DNA2: variants seen among roughly 807,000 people sequenced by gnomAD.
DNA2 encodes the protein DNA replication ATP-dependent helicase/nuclease DNA2.
Under a neutral mutation model 119.1 loss-of-function variants are expected in DNA2, and 101 were observed. The ratio of observed to expected loss-of-function variants is 0.85; its 90% CI spans 0.72 to 1.00. The LOEUF is 1.00. DNA2 is among the 50% of genes least tolerant of loss of function. The pLI is 0.00. For synonymous variants in DNA2, 366 were observed against 424.4 expected (o/e 0.86, Z 1.69); for missense variants, 1,121 against 1,255.5 (o/e 0.89, Z 1.62).
At chr10:68,423,241 T>C (rs1259531631) in intron 14 of DNA2, among the ~76,000 whole-genome samples, 1 of 150,856 alleles carries the variant, frequency 6.6e-6, no homozygotes, top group African/African-American at 2.5e-5. Flanking sequence ...GTACTTTTCC[T>C]TATTCTTTCC....
chr10:68,460,908 TAA>T (rs34510623), intron 4 of DNA2, among the ~76,000 whole-genome samples: 1 of 143,462 alleles, frequency 7.0e-6, no homozygotes. Flanking sequence ...AGACCCTGTT[TAA>T]AAAAAAAAAA....
intron 5 of DNA2, among the ~76,000 whole-genome samples, chr10:68,452,931 C>T (rs192420803): frequency 4.1e-5 from 6 of 147,872 alleles, no homozygotes; most frequent in Admixed American, 2.1e-4. Flanking sequence ...GATGGAATCT[C>T]GCTCTGTCGC....
At chr10:68,463,088 C>T (rs994736413) in intron 4 of DNA2, among the ~76,000 whole-genome samples, 50 of 150,762 alleles carry the variant, frequency 3.3e-4, no homozygotes, top group African/African-American at 1.1e-3. Context: ...GCCGAGATCA[C>T]GGTGCTGTAC....
At position 68,452,496 on chromosome 10, in the gene DNA2, A is replaced by G. The variant is rs535796216; in HGVS notation, c.720-2249T>C. On this transcript the variant is annotated intron_variant, in intron 5 of 20. Coordinates refer to ENST00000358410, the MANE Select transcript of DNA2 (RefSeq NM_001080449.3). ...ATGAAATGTCACATGTATACCTAAT[A>G]GAATACAGGTTAAAAAAACTTTTAA... Among the ~76,000 whole-genome samples the G allele has an allele frequency of 1.2e-4, 19 of 152,318 alleles. 1 individual carries two copies. The East Asian group carries it at 3.5e-3, about 28-fold the overall frequency.
chr10:68,419,629 CATT>C (rs1359160583), intron 18 of DNA2, among the ~76,000 whole-genome samples, 171 bp downstream of exon 18: 4 of 152,152 alleles, frequency 2.6e-5, no homozygotes, highest in African/African-American at 9.7e-5. Flanking sequence ...CTCCAAATGT[CATT>C]ATAAAATATT....
In DNA2 at chr10:68,432,400, A is replaced by C. The variant is rs1434889698; in HGVS notation, c.1757T>G (p.Phe586Cys). The C allele has an allele frequency of 1.3e-6, 2 of 1,592,248 alleles. No individual in the cohort carries two copies. The highest frequency in any genetic ancestry group is 1.7e-5 in the Admixed American group (1 of 57,352). The change falls in exon 11 of 21, where the codon TTT (phenylalanine) becomes TGT (cysteine). Residue 586 changes from phenylalanine to cysteine, a missense_variant. Coordinates refer to ENST00000358410, the MANE Select transcript of DNA2 (RefSeq NM_001080449.3). Reference sequence around the variant, plus strand: ...TTTGCTCATTGTTACAAACCTGACAAACGTGTTTTCCATCAATTTGGAAAG... The same window carrying C: ...TTTGCTCATTGTTACAAACCTGACACACGTGTTTTCCATCAATTTGGAAAG... ...GNLSKLMENT[F>C]VSKKLRDLII...
chr10:68,468,271 T>G lies in DNA2; in HGVS notation c.293A>C (p.His98Pro). ...GTCAGATGTGCAGTCTCCCTCCAAATGAATGATATCTCCTGGCTCTACTGG... is the reference window on the plus strand; with the variant it reads ...GTCAGATGTGCAGTCTCCCTCCAAAGGAATGATATCTCCTGGCTCTACTGG... ...SVPVEPGDII[H>P]LEGDCTSDTW... The change falls in exon 3 of 21, where the codon CAT (histidine) becomes CCT (proline). Residue 98 changes from histidine to proline, a missense_variant. His to Pro is a moderately conservative substitution (Grantham distance 77). Coordinates refer to ENST00000358410, the MANE Select transcript of DNA2 (RefSeq NM_001080449.3). The G allele has an allele frequency of 6.2e-7, 1 of 1,608,680 alleles. No individual in the cohort carries two copies. Among genetic ancestry groups the G allele is most frequent in the Non-Finnish European group, 8.5e-7 (1 of 1,177,830 alleles).
intron 14 of DNA2, among the ~76,000 whole-genome samples, chr10:68,424,388 C>T (rs2051706981): frequency 6.6e-6 from 1 of 151,866 alleles, no homozygotes; most frequent in Non-Finnish European, 1.5e-5. Context: ...CCTATAGTCC[C>T]ACCTACTTGG....
chr10:68,423,346 C>T (rs2051692204), intron 14 of DNA2, among the ~76,000 whole-genome samples: 1 of 151,728 alleles, frequency 6.6e-6, no homozygotes, highest in Non-Finnish European at 1.5e-5. Flanking sequence ...AGCTAGGGAG[C>T]TCAGGACCAA....
At chr10:68,416,934 C>T in intron 19 of DNA2, 79 bp from the exon 20 acceptor site, 1 of 1,263,738 alleles carries the variant, frequency 7.9e-7, no homozygotes, top group South Asian at 1.5e-5. Flanking sequence ...ACACAATGGA[C>T]ACCTGTGCAA....
chr10:68,456,927 G>T (rs1171109075), intron 5 of DNA2, among the ~76,000 whole-genome samples: 1 of 151,718 alleles, frequency 6.6e-6, no homozygotes, highest in East Asian at 2.0e-4. Context: ...AAGGTCAGGA[G>T]ATCGAGACCA....
chr10:68,444,978 T>A lies in DNA2; in HGVS notation c.1163A>T (p.Glu388Val), dbSNP rs764697361. 6.2e-7 allele frequency: 1 copy of A among 1,613,630 alleles called. No individual in the cohort carries two copies. The highest frequency in any genetic ancestry group is 1.1e-5 in the South Asian group (1 of 91,058). Residue 388 changes from glutamate (E) to valine (V), a missense_variant, in exon 8 of 21, where the codon GAG (glutamate) becomes GTG (valine). Glu to Val is a moderately radical substitution (Grantham distance 121). Transcript: ENST00000358410. ...TQLASLPQII[E>V]EEKTCKYCSQ... is the part of the protein sequence containing the mutation. ...ACAATATTTACAAGTTTTCTCTTCC[T>A]CAATTATTTGTGGCAAAGAAGCAAG...
Position 68,422,907 on chromosome 10 carries a change from CAG to C in DNA2, c.2209-19_2209-18del. 1.3e-6 allele frequency: 2 copies of C among 1,515,530 alleles called. No individual in the cohort carries two copies. Among genetic ancestry groups the C allele is most frequent in the Middle Eastern group, 1.8e-4 (1 of 5,616 alleles). The allele number at this position is 1,515,530 out of a possible 1,614,324, so 93.9% of individuals were successfully genotyped here. ...AACTATAAGCTAAAAACAAGGAAAA[CAG>C]ATCAGTTATTTAACATGTAAAAGAA... On this transcript the variant is annotated intron_variant, in intron 14 of 20. Transcript: ENST00000358410.
rs140073578 is a variant in DNA2, at chr10:68,466,139, A to G, written c.442-327T>C. ...AGGTTCAAATGATTCTCATGCCTCA[A>G]CCTCCCAAGTAGCTGGAATTACAGG... is the stretch of plus-strand genomic sequence containing the variant. On this transcript the variant is annotated intron_variant, in intron 3 of 20. Coordinates refer to ENST00000358410, the MANE Select transcript of DNA2 (RefSeq NM_001080449.3). Among the ~76,000 whole-genome samples the G allele has an allele frequency of 4.7e-3, 716 of 151,834 alleles. 9 individuals carry two copies. Among genetic ancestry groups the G allele is most frequent in the South Asian group, 0.031 (149 of 4,808 alleles).
intron 9 of DNA2, among the ~76,000 whole-genome samples, chr10:68,437,869 A>C (rs6480333): frequency 0.31 from 46,990 of 151,564 alleles, 8,853 homozygotes; most frequent in African/African-American, 0.52. Context: ...CACCACCACG[A>C]CAAGCTAATT....
intron 5 of DNA2, among the ~76,000 whole-genome samples, chr10:68,454,508 A>T (rs2052159136): frequency 6.6e-6 from 1 of 152,114 alleles, no homozygotes; most frequent in South Asian, 2.1e-4. Context: ...ATCTACCGTA[A>T]TTTAAAATGT....
intron 6 of DNA2, among the ~76,000 whole-genome samples, chr10:68,448,257 G>T (rs2052068097): frequency 6.6e-6 from 1 of 151,982 alleles, no homozygotes; most frequent in Non-Finnish European, 1.5e-5. Context: ...TCTACAGTTT[G>T]TTTCTCCAGA....
At chr10:68,460,799 T>C (rs189452156) in intron 4 of DNA2, among the ~76,000 whole-genome samples, 98 of 152,132 alleles carry the variant, frequency 6.4e-4, no homozygotes, top group African/African-American at 2.3e-3. Context: ...TAGTCCCAGC[T>C]ACTCAGCAGG....
intron 19 of DNA2, among the ~76,000 whole-genome samples, chr10:68,417,402 A>AC (rs2051604753): frequency 6.6e-6 from 1 of 150,614 alleles, no homozygotes; most frequent in South Asian, 2.1e-4. Context: ...AAAAAAAAAA[A>AC]AAAAAAAAAA....
Sources: allele counts gnomAD v4.1 joint callset (sites outside exome capture counted in the v4.1 genomes callset), GRCh38; gene constraint gnomAD v4.1.1; transcripts MANE v1.5; gene names NCBI Gene and HGNC (gene_info 2026-07-23, HGNC 2026-07-21).